Variants in SFMBT1 observed in about 807,000 individuals in gnomAD.
The protein encoded by SFMBT1 is scm-like with four MBT domains protein 1.
SFMBT1 carries 32 observed loss-of-function variants against 108.7 expected under a neutral mutation model. The ratio of observed to expected loss-of-function variants is 0.29; its 90% CI spans 0.22 to 0.40. The LOEUF is 0.40. Ranked by LOEUF, SFMBT1 falls within the 10% of genes least tolerant of loss-of-function variation. The probability of loss-of-function intolerance (pLI) is 1.00; values close to 1 mark genes in which losing one functional copy is unlikely to be tolerated. For synonymous variants in SFMBT1, 348 were observed against 369.5 expected (o/e 0.94, Z 0.67); for missense variants, 816 against 1,059.6 (o/e 0.77, Z 3.19).
chr3:53,015,639 A>G (rs1699099946), intron 1 of SFMBT1, among the ~76,000 whole-genome samples: 1 of 152,216 alleles, frequency 6.6e-6, no homozygotes, highest in African/African-American at 2.4e-5. Flanking sequence ...CACAATATGG[A>G]TGAACTTCAA....
At chr3:52,972,196 C>T (rs1704369935) in intron 1 of SFMBT1, among the ~76,000 whole-genome samples, 1 of 152,150 alleles carries the variant, frequency 6.6e-6, no homozygotes, top group Non-Finnish European at 1.5e-5. Flanking sequence ...GTATTTTGTG[C>T]AGAGAGCCAC....
chr3:53,011,811 A>T (rs1420088112), intron 1 of SFMBT1, among the ~76,000 whole-genome samples: 1 of 152,246 alleles, frequency 6.6e-6, no homozygotes, highest in Non-Finnish European at 1.5e-5. Flanking sequence ...ACTCTGTGGT[A>T]ATGAGAGTGG....
At chr3:52,927,383 G>C (rs949573607) in intron 9 of SFMBT1, among the ~76,000 whole-genome samples, 1 of 152,214 alleles carries the variant, frequency 6.6e-6, no homozygotes, top group African/African-American at 2.4e-5. Context: ...AAGGTTCTGA[G>C]TTTATGACCC....
At chr3:52,961,597 G>A (rs1703963397) in intron 2 of SFMBT1, among the ~76,000 whole-genome samples, 1 of 152,146 alleles carries the variant, frequency 6.6e-6, no homozygotes, top group South Asian at 2.1e-4. Flanking sequence ...TTTACATTAT[G>A]GACATTTTAC....
chr3:52,956,115 T>C (rs534711613), intron 2 of SFMBT1, among the ~76,000 whole-genome samples: 1 of 152,322 alleles, frequency 6.6e-6, no homozygotes, highest in South Asian at 2.1e-4. Context: ...CACATGATTA[T>C]CTCAAAAGAC....
At chr3:53,026,262 A>C (rs1052912589) in intron 1 of SFMBT1, among the ~76,000 whole-genome samples, 1 of 152,228 alleles carries the variant, frequency 6.6e-6, no homozygotes, top group South Asian at 2.1e-4. Context: ...AAAACCTGCT[A>C]TCCCACCAAA....
At chr3:52,913,880 C>T (rs777592830) in intron 14 of SFMBT1, among the ~76,000 whole-genome samples, 7 of 152,126 alleles carry the variant, frequency 4.6e-5, no homozygotes, top group Non-Finnish European at 8.8e-5. Flanking sequence ...TAGAAGAACC[C>T]TATCTTCTAT....
At chr3:52,946,303 G>C (rs773765495) in intron 3 of SFMBT1, among the ~76,000 whole-genome samples, 2 of 152,252 alleles carry the variant, frequency 1.3e-5, no homozygotes, top group Non-Finnish European at 2.9e-5. Context: ...GAATCCTGGA[G>C]ACAGCCAGAG....
chr3:52,978,584 A>G (rs1475130795), intron 1 of SFMBT1, among the ~76,000 whole-genome samples: 4 of 152,194 alleles, frequency 2.6e-5, no homozygotes, highest in Non-Finnish European at 5.9e-5. Flanking sequence ...ACATAGAGTT[A>G]CCATATGGGC....
intron 1 of SFMBT1, among the ~76,000 whole-genome samples, chr3:52,977,129 C>A (rs1704544460): frequency 6.6e-6 from 1 of 152,172 alleles, no homozygotes. Flanking sequence ...TTTAAACTGT[C>A]CTCATTTCAG....
intron 3 of SFMBT1, among the ~76,000 whole-genome samples, chr3:52,948,027 A>G (rs561537811): frequency 2.0e-5 from 3 of 152,226 alleles, no homozygotes; most frequent in African/African-American, 7.2e-5. Flanking sequence ...GAGACACCGC[A>G]CCCAGCTGCT....
intron 2 of SFMBT1, among the ~76,000 whole-genome samples, chr3:52,964,760 C>CAAG (rs1396275144): frequency 6.6e-5 from 10 of 152,258 alleles, no homozygotes; most frequent in African/African-American, 1.9e-4. Flanking sequence ...CTAACTGTAT[C>CAAG]AAAGGTACAT....
chr3:52,969,913 G>A (rs920306941), intron 1 of SFMBT1, among the ~76,000 whole-genome samples: 5 of 152,024 alleles, frequency 3.3e-5, no homozygotes, highest in African/African-American at 1.2e-4. Context: ...GACCAGCCTG[G>A]GCAACATGGC....
At chr3:52,984,340 C>T (rs1377840696) in intron 1 of SFMBT1, among the ~76,000 whole-genome samples, 4 of 151,760 alleles carry the variant, frequency 2.6e-5, no homozygotes, top group African/African-American at 4.8e-5. Context: ...TTTTCACCCA[C>T]GATGCTTCAT....
chr3:52,986,831 T>C lies in SFMBT1; in HGVS notation c.-130-17573A>G, dbSNP rs527519113. 1.9e-4 allele frequency among the ~76,000 whole-genome samples: 28 copies of C among 148,798 alleles called. No individual in the cohort carries two copies. The South Asian group carries it at 5.7e-3, about 31-fold the overall frequency. Reference sequence around the variant, plus strand: ...GGCGAGTGCCTGTAATACCAGCTACTCAGGAGGCTGAGGCAGGAGAATCGC... The same window carrying C: ...GGCGAGTGCCTGTAATACCAGCTACCCAGGAGGCTGAGGCAGGAGAATCGC... On this transcript the variant is annotated intron_variant, in intron 1 of 20. Coordinates refer to ENST00000394752, the MANE Select transcript of SFMBT1 (RefSeq NM_016329.4).
chr3:52,910,287 T>TC (rs1040416488), intron 17 of SFMBT1, among the ~76,000 whole-genome samples: 3 of 152,156 alleles, frequency 2.0e-5, no homozygotes, highest in Non-Finnish European at 4.4e-5. Flanking sequence ...ATCCCAGTGC[T>TC]AGAGCAGCAT....
intron 10 of SFMBT1, among the ~76,000 whole-genome samples, chr3:52,924,901 A>G (rs1702615673): frequency 6.6e-6 from 1 of 152,182 alleles, no homozygotes; most frequent in African/African-American, 2.4e-5. Context: ...TATTGAGGAT[A>G]AAAATTTTTA....
At chr3:52,958,451 C>A (rs977035555) in intron 2 of SFMBT1, among the ~76,000 whole-genome samples, 1 of 152,078 alleles carries the variant, frequency 6.6e-6, no homozygotes, top group Non-Finnish European at 1.5e-5. Flanking sequence ...ATTAGCCAGG[C>A]GTGGTGGCGT....
intron 1 of SFMBT1, among the ~76,000 whole-genome samples, chr3:53,022,722 A>T (rs1012038644): frequency 2.0e-5 from 3 of 152,152 alleles, no homozygotes; most frequent in African/African-American, 4.8e-5. Context: ...ATTTCATAGA[A>T]CTGAAAAACA....
Sources: gnomAD v4.1 joint callset for allele counts (sites outside exome capture counted in the v4.1 genomes callset) on GRCh38, gnomAD v4.1.1 for gene constraint, MANE v1.5 for transcripts, NCBI Gene and HGNC (gene_info 2026-07-23, HGNC 2026-07-21) for gene names.